The following AGRN variants were observed in gnomAD, a reference collection of about 807,000 sequenced individuals.
AGRN encodes agrin proteoglycan.
In AGRN, 106 loss-of-function variants were observed where a neutral mutation model predicts 211.0. The observed-to-expected ratio is 0.50, with a 90% CI of 0.43 to 0.59. The LOEUF (loss-of-function observed/expected upper bound fraction) is 0.59. AGRN is among the 20% of genes least tolerant of loss of function. The probability of loss-of-function intolerance (pLI) is 0.00; values close to 1 mark genes in which losing one functional copy is unlikely to be tolerated. For synonymous variants in AGRN, 1,525 were observed against 1,332.5 expected (o/e 1.14, Z -3.15); for missense variants, 3,040 against 2,982.6 (o/e 1.02, Z -0.45).
chr1:1,041,598 G>C lies in AGRN; in HGVS notation c.1073G>C (p.Gly358Ala), dbSNP rs758511779. 13 of 1,611,190 alleles carry C rather than the reference G, an allele frequency of 8.1e-6. No homozygotes were observed. In the South Asian group the frequency reaches 1.4e-4, roughly 18 times the overall value. The change falls in exon 6 of 36, where the codon GGG (glycine) becomes GCG (alanine). Residue 358 changes from glycine to alanine, a missense_variant. Coordinates refer to ENST00000379370, the MANE Select transcript of AGRN (RefSeq NM_198576.4). ...CCTGCCCGGCAGGCGCCAGTGTGTG[G>C]GGACGACGGAGTCACCTACGAAAAC... is the stretch of plus-strand genomic sequence containing the variant. The part of the protein sequence containing the change: ...SCPARQAPVC[G>A]DDGVTYENDC...
chr1:1,048,839 A>G lies in AGRN; in HGVS notation c.4106-28A>G. On this transcript the variant is annotated intron_variant, in intron 23 of 35. Transcript: ENST00000379370. The surrounding 1 kb of genome is among the most constrained non-coding windows in gnomAD (Gnocchi z 5.9). ...AGTGGGGAATCCTCGGAGCTTTTCCAGCCGGCCCTCCCGGTCGCCCTTTGC... is the reference window on the plus strand; with the variant it reads ...AGTGGGGAATCCTCGGAGCTTTTCCGGCCGGCCCTCCCGGTCGCCCTTTGC... 1 of 1,515,674 alleles carries G rather than the reference A, an allele frequency of 6.6e-7. No homozygotes were observed. The allele number at this position is 1,515,674 out of a possible 1,614,324, so 93.9% of individuals were successfully genotyped here. A position where few individuals can be genotyped will look rare whatever the true frequency, so the allele number is the denominator to read the frequency against.
At chr1:1,040,060 C>G (rs1644891495) in intron 3 of AGRN, among the ~76,000 whole-genome samples, 1 of 152,202 alleles carries the variant, frequency 6.6e-6, no homozygotes, top group Non-Finnish European at 1.5e-5. Flanking sequence ...TGGGCCAGAG[C>G]TGTGACCTGG....
Position 1,055,496 on chromosome 1 carries a change from T to G in AGRN, c.*515T>G. ...GTTACTGCTGGGCACAGCTCTGCGT[T>G]GCTCCCGTGCTGCCTGCGCCAGCCC... On this transcript the variant is annotated 3_prime_UTR_variant, in exon 36 of 36. Transcript: ENST00000379370. The G allele has an allele frequency of 4.3e-6, 1 of 231,334 alleles. No homozygotes were observed. The highest frequency in any genetic ancestry group is 8.7e-6 in the Non-Finnish European group (1 of 115,414). 14.3% of individuals were successfully genotyped at this position (231,334 alleles called of 1,614,324 possible).
rs1166550650 is a variant in AGRN, at chr1:1,043,807, GCT to G, written c.1799-13_1799-12del. 6.2e-7 allele frequency: 1 copy of G among 1,609,546 alleles called. No homozygotes were observed. The highest frequency in any genetic ancestry group is 8.5e-7 in the Non-Finnish European group (1 of 1,179,834). The stretch of plus-strand genomic sequence containing the variant: ...GCCTGGGCCTGCCGACCCCTGCCTG[GCT>G]CTGTCTCCTGCAGAGACCTGTGGAG... On this transcript the variant is annotated splice_polypyrimidine_tract_variant and intron_variant, in intron 9 of 35. Transcript: ENST00000379370.
At position 1,047,464 on chromosome 1, in the gene AGRN, G is replaced by C. The variant is rs76264143; in HGVS notation, c.3516+10G>C. Reference sequence around the variant, plus strand: ...GAGCATTGAGAGCACCGTAAGACGGGGGCGCAGCCCCCACCTACCCACTGG... The same window carrying C: ...GAGCATTGAGAGCACCGTAAGACGGCGGCGCAGCCCCCACCTACCCACTGG... On this transcript the variant is annotated intron_variant, in intron 20 of 35. Transcript: ENST00000379370. 106,959 of 1,612,648 alleles carry C rather than the reference G, an allele frequency of 0.066. 3,950 individuals are homozygous for C. Among genetic ancestry groups the C allele is most frequent in the Middle Eastern group, 0.092 (558 of 6,062 alleles).
intron 3 of AGRN, among the ~76,000 whole-genome samples, chr1:1,039,190 T>G (rs2465134): frequency 0.88 from 134,113 of 152,020 alleles, 59,661 homozygotes; most frequent in East Asian, 1. Flanking sequence ...GGTGGGAGAG[T>G]AGCAGAAGAG....
chr1:1,048,205 C>A lies in AGRN; in HGVS notation c.3945C>A (p.Pro1315=), dbSNP rs574369182. The A allele has an allele frequency of 1.2e-5, 18 of 1,558,998 alleles. No individual in the cohort carries two copies. In the South Asian group the frequency reaches 1.9e-4, roughly 16 times the overall value. Residue 1315 remains proline, a synonymous_variant, in exon 23 of 36, where the codon CCC becomes CCA. Coordinates refer to ENST00000379370, the MANE Select transcript of AGRN (RefSeq NM_198576.4). The surrounding 1 kb of genome is among the most constrained non-coding windows in gnomAD (Gnocchi z 5.9). ...CACGTCGGCCCCCCACCACTGCCCC[C>A]AGCCGTGTGCCCGGACGTCGGCCCC... The part of the protein sequence containing the change: ...PTTRRPPTTA[P]SRVPGRRPPA...
rs1644602940 is a variant in AGRN at position 1,029,466 on chromosome 1, T to C, written c.464-5811T>C. On this transcript the variant is annotated intron_variant, in intron 2 of 35. Transcript: ENST00000379370. ...GGGGGAGGGGGACATCCCGTGTCTA[T>C]GAGGGCAGGTGGAGGGAGAGAATTG... 2.9e-4 allele frequency among the ~76,000 whole-genome samples: 11 copies of C among 37,496 alleles called. No homozygotes were observed. The South Asian group carries it at 0.011, about 38-fold the overall frequency. The allele number at this position is 37,496 out of a possible 152,430, so 24.6% of individuals were successfully genotyped here.
At chr1:1,047,294 G>A (rs764043603) in intron 19 of AGRN, 33 bp from the exon 20 acceptor site, 25 of 1,568,276 alleles carry the variant, frequency 1.6e-5, no homozygotes, top group Admixed American at 1.9e-5. Flanking sequence ...CCAGGCAGAT[G>A]CCAGGCAGGG....
intron 2 of AGRN, among the ~76,000 whole-genome samples, chr1:1,023,707 C>G (rs913401716): frequency 3.9e-5 from 6 of 152,180 alleles, no homozygotes; most frequent in African/African-American, 1.4e-4. Flanking sequence ...TAGCTGAGGA[C>G]TTGCTCTAGG....
At chr1:1,040,156 C>T (rs1644893521) in intron 3 of AGRN, among the ~76,000 whole-genome samples, 1 of 152,178 alleles carries the variant, frequency 6.6e-6, no homozygotes, top group African/African-American at 2.4e-5. Flanking sequence ...GGCGGCAGGG[C>T]TCAGCTGTGC....
chr1:1,040,511 A>AGCGC (rs1401096526), intron 3 of AGRN, among the ~76,000 whole-genome samples, 154 bp from the exon 4 acceptor site: 1 of 151,674 alleles, frequency 6.6e-6, no homozygotes, highest in Middle Eastern at 3.2e-3. Context: ...CGGTCCTGTG[A>AGCGC]GCGCACGCAC....
At chr1:1,022,504 G>A in intron 2 of AGRN, 42 bp downstream of exon 2, 1 of 1,579,964 alleles carries the variant, frequency 6.3e-7, no homozygotes, top group Non-Finnish European at 8.6e-7. Context: ...TGGGGGTCAG[G>A]GCAGTGGCCA....
rs979948562 is a variant in AGRN, at chr1:1,022,452, C to G, written c.453C>G (p.Phe151Leu). 4.3e-6 allele frequency: 7 copies of G among 1,610,038 alleles called. No individual in the cohort carries two copies. The highest frequency in any genetic ancestry group is 2.2e-5 in the East Asian group (1 of 44,798). ...ITLRNLEEVE[F>L]CVEDKPGTHF... ...TGCGGAACCTGGAGGAGGTGGAGTTCTGTGTGGAAGGTGCGTGGTGGGGGG... is the reference window on the plus strand; with the variant it reads ...TGCGGAACCTGGAGGAGGTGGAGTTGTGTGTGGAAGGTGCGTGGTGGGGGG... The change falls in exon 2 of 36, where the codon TTC becomes TTG. Residue 151 changes from phenylalanine to leucine, a missense_variant. By Grantham distance (22) the Phe-to-Leu change is conservative. Around this residue, in one of 3 missense-constraint regions of AGRN, gnomAD observed 1,498 missense variants for 1,457.8 expected, o/e 1.03. Transcript: ENST00000379370.
At chr1:1,041,859 C>A in intron 6 of AGRN, 97 bp from the exon 7 acceptor site, 1 of 1,561,886 alleles carries the variant, frequency 6.4e-7, no homozygotes, top group Middle Eastern at 2.3e-4. Flanking sequence ...CGGCTCCCCT[C>A]TGGGAGGGCC....
At chr1:1,029,787 G>T (rs1196413865) in intron 2 of AGRN, among the ~76,000 whole-genome samples, 1 of 101,850 alleles carries the variant, frequency 9.8e-6, no homozygotes, top group African/African-American at 3.6e-5. Flanking sequence ...GTGAGATCGT[G>T]TGTGTGTATG....
Position 1,029,318 on chromosome 1 carries a change from T to C in AGRN, c.464-5959T>C, listed in dbSNP as rs552539375. Among the ~76,000 whole-genome samples, 3 of 131,446 alleles carry C rather than the reference T, an allele frequency of 2.3e-5. No homozygotes were observed. The South Asian group carries it at 7.9e-4, about 35-fold the overall frequency. The allele number at this position is 131,446 out of a possible 152,430, so 86.2% of individuals were successfully genotyped here. A position where few individuals can be genotyped will look rare whatever the true frequency, so the allele number is the denominator to read the frequency against. On this transcript the variant is annotated intron_variant, in intron 2 of 35. Transcript: ENST00000379370. The stretch of plus-strand genomic sequence containing the variant: ...TGCCTTCCCAGTGTATGGGTGGGGG[T>C]TGAGGGACAAAATTAATGTTGCACA...
rs1411683758 is a variant in AGRN at position 1,055,707 on chromosome 1, C to G, written c.*726C>G. On this transcript the variant is annotated 3_prime_UTR_variant, in exon 36 of 36. Coordinates refer to ENST00000379370, the MANE Select transcript of AGRN (RefSeq NM_198576.4). ...CTGCCGCCTGCCTGGGTATCTGGGC[C>G]TGGCCATGGCTGTGTTCTTCATGTG... The G allele has an allele frequency of 6.5e-6, 1 of 155,000 alleles. No homozygotes were observed. Among genetic ancestry groups the G allele is most frequent in the African/African-American group, 2.4e-5 (1 of 41,476 alleles). 9.6% of individuals were successfully genotyped at this position (155,000 alleles called of 1,614,324 possible).
rs1645377827 is a variant in AGRN, at chr1:1,053,803, C to T, written c.5702C>T (p.Ala1901Val). 1 of 1,611,100 alleles carries T rather than the reference C, an allele frequency of 6.2e-7. No homozygotes were observed. Among genetic ancestry groups the T allele is most frequent in the Non-Finnish European group, 8.5e-7 (1 of 1,179,326 alleles). The change falls in exon 34 of 36, where the codon GCC (alanine) becomes GTC (valine). Residue 1901 changes from alanine to valine, a missense_variant. Physicochemically the swap from Ala to Val is moderately conservative, Grantham distance 64. Transcript: ENST00000379370. ...TTTGAACTGAGCCTGCGCACTGAGG[C>T]CACGCAGGGGCTGGTGCTCTGGAGT... The part of the protein sequence containing the change: ...NHFELSLRTE[A>V]TQGLVLWSGK...
Sources: allele counts gnomAD v4.1 joint callset (sites outside exome capture counted in the v4.1 genomes callset), GRCh38; gene constraint gnomAD v4.1.1; regional missense constraint gnomAD v4.1.1; non-coding constraint Gnocchi (gnomAD v3.1); transcripts MANE v1.5; gene names NCBI Gene and HGNC (gene_info 2026-07-23, HGNC 2026-07-21).